Variants in MACF1 observed in about 807,000 individuals in gnomAD.
The protein encoded by MACF1 is microtubule actin crosslinking factor 1, also known as microtubule-actin cross-linking factor 1.
Under a neutral mutation model 854.8 loss-of-function variants are expected in MACF1, and 193 were observed. The observed-to-expected ratio is 0.23, with a 90% CI of 0.20 to 0.25. The LOEUF (loss-of-function observed/expected upper bound fraction) is 0.25. Among genes scored for constraint, MACF1 ranks in the 10% least tolerant of loss-of-function variants. MACF1 has a pLI of 1.00. For missense variants in MACF1, 7,722 were observed against 8,929.1 expected, an observed-to-expected ratio of 0.86 and a Z score of 5.45; for synonymous variants, 3,185 against 3,226.7, an observed-to-expected ratio of 0.99 and a Z score of 0.44.
At chr1:39,145,550 A>G (rs1232201246) in intron 2 of MACF1, among the ~76,000 whole-genome samples, 1 of 152,078 alleles carries the variant, frequency 6.6e-6, no homozygotes. Context: ...AACTACCTCA[A>G]CAGCCTTTCT....
At chr1:39,189,378 A>G (rs1644217601) in intron 2 of MACF1, among the ~76,000 whole-genome samples, 1 of 152,192 alleles carries the variant, frequency 6.6e-6, no homozygotes, top group African/African-American at 2.4e-5. Flanking sequence ...GGTTTGTGCC[A>G]TTTTAATTCT....
chr1:39,306,890 T>TATTATC (rs1178228266), intron 23 of MACF1, among the ~76,000 whole-genome samples: 1 of 150,334 alleles, frequency 6.7e-6, no homozygotes, highest in Non-Finnish European at 1.5e-5. Context: ...TTATTATTAT[T>TATTATC]ATTGAGATAG....
chr1:39,111,528 G>A (rs1324168164), intron 2 of MACF1, among the ~76,000 whole-genome samples: 2 of 151,744 alleles, frequency 1.3e-5, no homozygotes, highest in Admixed American at 1.3e-4. Flanking sequence ...GACTACAGGC[G>A]CCCACCACAC....
At chr1:39,090,660 T>C (rs1641779813) in intron 2 of MACF1, among the ~76,000 whole-genome samples, 1 of 152,330 alleles carries the variant, frequency 6.6e-6, no homozygotes, top group Non-Finnish European at 1.5e-5. Flanking sequence ...CCTTTCTGTT[T>C]GTTATGGGAG....
intron 2 of MACF1, 31 bp downstream of exon 2, chr1:39,231,274 G>T: frequency 6.3e-7 from 1 of 1,591,468 alleles, no homozygotes. Context: ...TGCTGCCCCA[G>T]CACCTCTCAC....
chr1:39,212,464 C>G (rs1311592896), intron 1 of MACF1, among the ~76,000 whole-genome samples: 2 of 152,026 alleles, frequency 1.3e-5, no homozygotes, highest in African/African-American at 4.8e-5. Flanking sequence ...GCTTGAGTGC[C>G]AGGGAATTTA....
chr1:39,156,721 A>G (rs1432415241), intron 2 of MACF1, among the ~76,000 whole-genome samples: 2 of 152,198 alleles, frequency 1.3e-5, no homozygotes, highest in Admixed American at 6.5e-5. Context: ...ACAAGAATCT[A>G]TATTTGTGTT....
intron 2 of MACF1, among the ~76,000 whole-genome samples, chr1:39,192,622 A>G (rs1267967507): frequency 6.6e-6 from 1 of 152,196 alleles, no homozygotes; most frequent in African/African-American, 2.4e-5. Flanking sequence ...AATAAAAGCA[A>G]CACAGTTTTC....
In MACF1 at chr1:39,261,644, T is replaced by C. The variant is rs116619097; in HGVS notation, c.528+3616T>C. Among the ~76,000 whole-genome samples, 736 of 152,348 alleles carry C rather than the reference T, an allele frequency of 4.8e-3. 5 individuals carry two copies. Among genetic ancestry groups the C allele is most frequent in the African/African-American group, 0.017 (710 of 41,574 alleles). On this transcript the variant is annotated intron_variant, in intron 6 of 100. Transcript: ENST00000564288. The stretch of plus-strand genomic sequence containing the variant: ...TGTGGCACATATCAGTACGTCATTC[T>C]TTTTTATTGCTGAATATTCTGTTGT...
In MACF1 at chr1:39,340,581, A is replaced by C. The variant is rs777794618; in HGVS notation, c.10295A>C (p.Gln3432Pro). The change falls in exon 39 of 101, where the codon CAG (glutamine) becomes CCG (proline). Residue 3432 changes from glutamine to proline, a missense_variant. Gln to Pro is a moderately conservative substitution (Grantham distance 76, BLOSUM62 -1). This residue lies in a region of MACF1 where 854 missense variants were observed against 852.6 expected (regional missense o/e 1.00). Coordinates refer to ENST00000564288, the MANE Select transcript of MACF1 (RefSeq NM_001394062.1). ...TGTGTGAATCAGATTATCATCAGCC[A>C]GCCTCAAGAAGTTCCTGCTCAACTG... is the stretch of plus-strand genomic sequence containing the variant. ...LECVNQIIIS[Q>P]PQEVPAQLLK... 4 of 1,614,086 alleles carry C rather than the reference A, an allele frequency of 2.5e-6. No individual in the cohort carries two copies. In the Admixed American group the frequency reaches 6.7e-5, roughly 27 times the overall value.
At chr1:39,479,099 G>A (rs753262388) in intron 97 of MACF1, among the ~76,000 whole-genome samples, 4 of 152,132 alleles carry the variant, frequency 2.6e-5, no homozygotes, top group South Asian at 2.1e-4. Flanking sequence ...CTGGCTTCCC[G>A]TGCCGACTCC....
Position 39,434,403 on chromosome 1 carries a change from T to G in MACF1, c.17566-11T>G, listed in dbSNP as rs1183181162. ...TACTTATCCTTTTTTTTTTTTTTTT[T>G]GCTCACATAGGAAAAGACAGAGTCT... On this transcript the variant is annotated splice_polypyrimidine_tract_variant and intron_variant, in intron 68 of 100. Coordinates refer to ENST00000564288, the MANE Select transcript of MACF1 (RefSeq NM_001394062.1). 17 of 1,331,696 alleles carry G rather than the reference T, an allele frequency of 1.3e-5. No homozygotes were observed. Among genetic ancestry groups the G allele is most frequent in the African/African-American group, 7.6e-5 (5 of 66,002 alleles). The allele number at this position is 1,331,696 out of a possible 1,614,324, so 82.5% of individuals were successfully genotyped here.
chr1:39,443,331 C>T, intron 78 of MACF1, 115 bp from the exon 79 acceptor site: 3 of 1,100,250 alleles, frequency 2.7e-6, no homozygotes, highest in Non-Finnish European at 3.9e-6. Context: ...ACAGCTTTGC[C>T]AGAGAGCAGC....
chr1:39,224,964 C>T (rs183484253), intron 1 of MACF1, among the ~76,000 whole-genome samples: 1 of 152,138 alleles, frequency 6.6e-6, no homozygotes, highest in Non-Finnish European at 1.5e-5. Flanking sequence ...GTGGGAGGAT[C>T]ACATGAGGCC....
At chr1:39,112,718 G>C (rs560484333) in intron 2 of MACF1, among the ~76,000 whole-genome samples, 1 of 152,264 alleles carries the variant, frequency 6.6e-6, no homozygotes, top group East Asian at 1.9e-4. Context: ...AAAAGTCCTG[G>C]GATGAGGGGT....
intron 2 of MACF1, among the ~76,000 whole-genome samples, chr1:39,145,432 T>G (rs1166762372): frequency 6.6e-6 from 1 of 152,244 alleles, no homozygotes; most frequent in Non-Finnish European, 1.5e-5. Flanking sequence ...CCCTTCCTAG[T>G]GACTCTTTGT....
intron 1 of MACF1, among the ~76,000 whole-genome samples, chr1:39,228,171 G>A (rs1644737831): frequency 6.6e-6 from 1 of 152,092 alleles, no homozygotes. Context: ...TTAGCCGGAC[G>A]TGGTGGGTGG....
rs1465660336 is a variant in MACF1 at position 39,319,769 on chromosome 1, AAG to A, written c.4029+24_4029+25del. The A allele has an allele frequency of 7.8e-6, 12 of 1,537,426 alleles. No individual in the cohort carries two copies. The African/African-American group carries it at 1.6e-4, about 21-fold the overall frequency. ...AAAGGTAACTTTACCACATCCCAAA[AAG>A]AACATGAATCATCACCAGCTCAGGA... On this transcript the variant is annotated intron_variant, in intron 31 of 100. Coordinates refer to ENST00000564288, the MANE Select transcript of MACF1 (RefSeq NM_001394062.1).
chr1:39,381,065 AT>A (rs971635073), intron 55 of MACF1, among the ~76,000 whole-genome samples: 21 of 150,618 alleles, frequency 1.4e-4, no homozygotes, highest in African/African-American at 4.6e-4. Flanking sequence ...ATTTAATTAA[AT>A]TTTTTTTTTG....
Sources: gnomAD v4.1 joint callset for allele counts (sites outside exome capture counted in the v4.1 genomes callset) on GRCh38, gnomAD v4.1.1 for gene constraint, gnomAD v4.1.1 regional missense constraint, MANE v1.5 for transcripts, NCBI Gene and HGNC (gene_info 2026-07-23, HGNC 2026-07-21) for gene names.